The following CDH8 variants were observed in gnomAD, a reference collection of about 807,000 sequenced individuals.
CDH8 encodes the protein cadherin 8, also known as cadherin-8.
Under a neutral mutation model 68.1 loss-of-function variants are expected in CDH8, and 17 were observed. That is an observed-to-expected ratio of 0.25 (90% confidence interval 0.17 to 0.37). The LOEUF is 0.37. Among genes scored for constraint, CDH8 ranks in the 10% least tolerant of loss-of-function variants. CDH8 has a pLI of 1.00. For missense variants in CDH8, 763 were observed against 999.3 expected (o/e 0.76, Z 3.19); for synonymous variants, 372 against 365.1 (o/e 1.02, Z -0.21).
intron 2 of CDH8, among the ~76,000 whole-genome samples, chr16:61,970,881 A>G (rs932837371): frequency 3.9e-5 from 6 of 152,258 alleles, no homozygotes; most frequent in African/African-American, 1.2e-4. Context: ...CCACAAAAGA[A>G]GTAAAAACAG....
intron 10 of CDH8, among the ~76,000 whole-genome samples, chr16:61,689,678 C>T (rs2142827027): frequency 6.6e-6 from 1 of 151,980 alleles, no homozygotes; most frequent in East Asian, 1.9e-4. Flanking sequence ...AGATGCAATA[C>T]TTACTATGTG....
intron 10 of CDH8, among the ~76,000 whole-genome samples, chr16:61,687,312 T>G (rs1454321053): frequency 6.6e-6 from 1 of 152,000 alleles, no homozygotes; most frequent in African/African-American, 2.4e-5. Flanking sequence ...TTACTTAATA[T>G]GTACTGTACA....
chr16:61,655,917 G>A (rs913568897), intron 10 of CDH8, among the ~76,000 whole-genome samples, 196 bp from the exon 11 acceptor site: 5 of 144,650 alleles, frequency 3.5e-5, no homozygotes, highest in Admixed American at 7.0e-5. Flanking sequence ...GTGTCACCCA[G>A]GCTGGAGTGC....
intron 1 of CDH8, among the ~76,000 whole-genome samples, chr16:62,027,217 A>C (rs4132863): frequency 0.51 from 78,019 of 152,034 alleles, 21,356 homozygotes; most frequent in African/African-American, 0.71. Context: ...AAAATACTTA[A>C]AATCTGACTT....
At chr16:61,949,631 T>A (rs1413545608) in intron 2 of CDH8, among the ~76,000 whole-genome samples, 1 of 152,018 alleles carries the variant, frequency 6.6e-6, no homozygotes, top group Non-Finnish European at 1.5e-5. Flanking sequence ...GAACCAACTC[T>A]GGACACAACA....
chr16:62,003,348 T>TC (rs1567564313), intron 2 of CDH8, among the ~76,000 whole-genome samples: 1 of 151,660 alleles, frequency 6.6e-6, no homozygotes, highest in Non-Finnish European at 1.5e-5. Flanking sequence ...GCACAAAAGA[T>TC]AATAGCAGTT....
chr16:61,889,862 A>T (rs1261713700), intron 3 of CDH8, among the ~76,000 whole-genome samples: 2 of 152,226 alleles, frequency 1.3e-5, no homozygotes, highest in African/African-American at 4.8e-5. Flanking sequence ...AAACAGGATC[A>T]TGGGGTTGTC....
intron 10 of CDH8, among the ~76,000 whole-genome samples, chr16:61,663,590 T>C (rs1963610923): frequency 6.6e-6 from 1 of 152,032 alleles, no homozygotes; most frequent in Admixed American, 6.6e-5. Context: ...ATAACATTGG[T>C]ACCATTGTTT....
intron 7 of CDH8, among the ~76,000 whole-genome samples, chr16:61,812,064 C>A (rs1310522066): frequency 1.3e-5 from 2 of 152,104 alleles, no homozygotes; most frequent in African/African-American, 4.8e-5. Flanking sequence ...TTTACACACA[C>A]AAACACACCA....
chr16:62,028,721 C>T (rs925587986), intron 1 of CDH8, among the ~76,000 whole-genome samples: 4 of 144,108 alleles, frequency 2.8e-5, no homozygotes, highest in African/African-American at 1.1e-4. Context: ...TAAAGGCAAA[C>T]CAGTATCAAG....
chr16:61,941,509 GCA>G (rs1964724408), intron 2 of CDH8, among the ~76,000 whole-genome samples: 1 of 152,156 alleles, frequency 6.6e-6, no homozygotes, highest in African/African-American at 2.4e-5. Flanking sequence ...GAGTGCAATG[GCA>G]CAGTCTCCGC....
intron 10 of CDH8, among the ~76,000 whole-genome samples, chr16:61,665,795 CCTTCCTTCCTTT>C (rs929258200): frequency 2.3e-5 from 3 of 128,488 alleles, no homozygotes; most frequent in African/African-American, 6.1e-5. Flanking sequence ...TTCCTTCCTT[CCTTCCTTCCTTT>C]CCCTCCTTCC....
chr16:61,846,291 T>A (rs1962804885), intron 4 of CDH8, among the ~76,000 whole-genome samples: 1 of 152,126 alleles, frequency 6.6e-6, no homozygotes, highest in South Asian at 2.1e-4. Flanking sequence ...ACACTTTGGA[T>A]AATAAGCAAG....
At chr16:61,924,021 C>T (rs1228569311) in intron 2 of CDH8, among the ~76,000 whole-genome samples, 1 of 150,958 alleles carries the variant, frequency 6.6e-6, no homozygotes, top group Admixed American at 6.7e-5. Context: ...CAAAAAAAAA[C>T]TTGGATTTCT....
intron 8 of CDH8, among the ~76,000 whole-genome samples, chr16:61,770,712 A>G (rs1297593448): frequency 2.0e-5 from 3 of 151,954 alleles, no homozygotes; most frequent in Admixed American, 2.0e-4. Flanking sequence ...AGCATCATAC[A>G]GAACTCATTT....
intron 2 of CDH8, among the ~76,000 whole-genome samples, chr16:61,993,926 T>C (rs999844587): frequency 1.3e-5 from 2 of 152,182 alleles, no homozygotes; most frequent in Non-Finnish European, 2.9e-5. Context: ...ATAATAGATA[T>C]ATCAAAATTT....
At chr16:61,792,116 A>G (rs1961392032) in intron 7 of CDH8, among the ~76,000 whole-genome samples, 1 of 152,030 alleles carries the variant, frequency 6.6e-6, no homozygotes, top group South Asian at 2.1e-4. Flanking sequence ...TAAATGGCAG[A>G]AAACTTTAAA....
chr16:61,922,968 A>C (rs1174629942), intron 2 of CDH8, among the ~76,000 whole-genome samples: 1 of 152,218 alleles, frequency 6.6e-6, no homozygotes, highest in Non-Finnish European at 1.5e-5. Flanking sequence ...TACTTGGGAT[A>C]TCCATCACCT....
At position 61,817,690 on chromosome 16, in the gene CDH8, C is replaced by T; in HGVS notation, c.1066G>A (p.Glu356Lys). The change falls in exon 7 of 12, where the codon GAG (glutamate) becomes AAG (lysine). Residue 356 changes from glutamate to lysine, a missense_variant. By Grantham distance (56) the Glu-to-Lys change is moderately conservative (BLOSUM62 1). This residue lies in a region of CDH8 where 366 missense variants were observed against 563.1 expected (regional missense o/e 0.65). Transcript: ENST00000577390. ...ETKKSYTLKV[E>K]AANVHIDPRF... ...GGGTCAATATGGACATTGGCTGCCT[C>T]TACCTTTAGCGTATAGGATTTTTTG... The T allele has an allele frequency of 6.2e-7, 1 of 1,604,844 alleles. No individual in the cohort carries two copies. Among genetic ancestry groups the T allele is most frequent in the South Asian group, 1.1e-5 (1 of 89,922 alleles).
Sources: gnomAD v4.1 joint callset for allele counts (sites outside exome capture counted in the v4.1 genomes callset) on GRCh38, gnomAD v4.1.1 for gene constraint, gnomAD v4.1.1 regional missense constraint, MANE v1.5 for transcripts, NCBI Gene and HGNC (gene_info 2026-07-23, HGNC 2026-07-21) for gene names.